The following ARL15 variants were observed in gnomAD, a reference collection of about 807,000 sequenced individuals.
The protein encoded by ARL15 is ADP-ribosylation factor-like protein 15.
ARL15 carries 19 observed loss-of-function variants against 25.2 expected under a neutral mutation model. The observed-to-expected ratio is 0.75, with a 90% CI of 0.53 to 1.10. The LOEUF (loss-of-function observed/expected upper bound fraction) is 1.10. Among genes scored for constraint, ARL15 ranks in the 50% least tolerant of loss-of-function variants. The pLI is 0.00. For missense variants in ARL15, 220 were observed against 246.0 expected, an observed-to-expected ratio of 0.89 and a Z score of 0.71; for synonymous variants, 94 against 86.8, an observed-to-expected ratio of 1.08 and a Z score of -0.46.
chr5:54,061,583 A>G (rs1158664350), intron 4 of ARL15, among the ~76,000 whole-genome samples: 3 of 152,194 alleles, frequency 2.0e-5, no homozygotes, highest in African/African-American at 7.2e-5. Context: ...CCTGGGCAAC[A>G]AGAGCGAAAC....
At chr5:54,273,965 C>T (rs1426971705) in intron 1 of ARL15, among the ~76,000 whole-genome samples, 1 of 152,094 alleles carries the variant, frequency 6.6e-6, no homozygotes, top group Non-Finnish European at 1.5e-5. Context: ...ATGAAAGGCT[C>T]TAGAGTTCAA....
intron 4 of ARL15, among the ~76,000 whole-genome samples, chr5:53,918,382 G>A (rs115628310): frequency 6.6e-6 from 1 of 151,796 alleles, no homozygotes; most frequent in African/African-American, 2.4e-5. Context: ...GAGATGGGGG[G>A]GGATCTCACT....
chr5:54,046,143 A>C (rs576752246), intron 4 of ARL15, among the ~76,000 whole-genome samples: 3 of 152,330 alleles, frequency 2.0e-5, no homozygotes, highest in Non-Finnish European at 4.4e-5. Context: ...AAAAGAAATA[A>C]AAGTATTCAT....
intron 4 of ARL15, among the ~76,000 whole-genome samples, chr5:53,923,991 G>GA (rs1349755356): frequency 6.6e-6 from 1 of 152,204 alleles, no homozygotes; most frequent in African/African-American, 2.4e-5. Context: ...ACCGCTGAAG[G>GA]AAAATTTTCA....
At chr5:54,194,249 G>A (rs1755490776) in intron 1 of ARL15, among the ~76,000 whole-genome samples, 1 of 151,906 alleles carries the variant, frequency 6.6e-6, no homozygotes, top group South Asian at 2.1e-4. Context: ...TATTATCAGA[G>A]GCATGGACCC....
rs1462938304 is a variant in ARL15 at position 53,886,338 on chromosome 5, CAG to C, written c.*221_*222del. 8 of 481,548 alleles carry C rather than the reference CAG, an allele frequency of 1.7e-5. No individual in the cohort carries two copies. The highest frequency in any genetic ancestry group is 2.9e-5 in the Non-Finnish European group (8 of 275,472). The allele number at this position is 481,548 out of a possible 1,614,324, so 29.8% of individuals were successfully genotyped here. A position where few individuals can be genotyped will look rare whatever the true frequency, so the allele number is the denominator to read the frequency against. ...TGCGGGGAAGATAATTAGTGGTAAA[CAG>C]AGAATAAATTCTCTCTCAGTAGTGT... On this transcript the variant is annotated 3_prime_UTR_variant, in exon 5 of 5. Coordinates refer to ENST00000504924, the MANE Select transcript of ARL15 (RefSeq NM_019087.3).
At chr5:54,084,484 G>GA (rs1235956881) in intron 4 of ARL15, among the ~76,000 whole-genome samples, 1 of 151,570 alleles carries the variant, frequency 6.6e-6, no homozygotes, top group Non-Finnish European at 1.5e-5. Context: ...ATTTTTAAGG[G>GA]AAAAAGCACA....
At chr5:54,233,539 C>A (rs1756725782) in intron 1 of ARL15, among the ~76,000 whole-genome samples, 1 of 152,138 alleles carries the variant, frequency 6.6e-6, no homozygotes. Flanking sequence ...ACTAGATGAA[C>A]CAATATTTTC....
At chr5:53,948,973 G>A (rs1746851043) in intron 4 of ARL15, among the ~76,000 whole-genome samples, 1 of 152,176 alleles carries the variant, frequency 6.6e-6, no homozygotes, top group African/African-American at 2.4e-5. Context: ...TCTGAAGAGA[G>A]CTGGCACTTT....
intron 4 of ARL15, among the ~76,000 whole-genome samples, chr5:53,998,506 T>C (rs574715635): frequency 6.6e-6 from 1 of 152,112 alleles, no homozygotes; most frequent in Non-Finnish European, 1.5e-5. Flanking sequence ...GTTCAGCACT[T>C]GGGTTATATA....
At chr5:54,263,490 G>A (rs936019944) in intron 1 of ARL15, among the ~76,000 whole-genome samples, 3 of 152,106 alleles carry the variant, frequency 2.0e-5, no homozygotes, top group Non-Finnish European at 4.4e-5. Context: ...TAATCACAGA[G>A]TGTAAAATAA....
At chr5:54,265,772 ATACT>A (rs758419292) in intron 1 of ARL15, among the ~76,000 whole-genome samples, 18 of 152,350 alleles carry the variant, frequency 1.2e-4, no homozygotes, top group Admixed American at 4.6e-4. Context: ...TTAGACAGAC[ATACT>A]TAAAGAAAGC....
intron 4 of ARL15, among the ~76,000 whole-genome samples, chr5:53,900,867 C>T (rs529314859): frequency 1.1e-4 from 17 of 152,254 alleles, no homozygotes; most frequent in African/African-American, 3.1e-4. Context: ...AATCGTGTTG[C>T]AAACAGAAAA....
chr5:54,228,588 T>C (rs191054683), intron 1 of ARL15, among the ~76,000 whole-genome samples: 3 of 152,178 alleles, frequency 2.0e-5, no homozygotes, highest in Admixed American at 6.5e-5. Context: ...TTGGAGTTTT[T>C]ATGAGGTTTT....
chr5:53,931,564 G>A (rs1249606025), intron 4 of ARL15, among the ~76,000 whole-genome samples: 1 of 152,156 alleles, frequency 6.6e-6, no homozygotes, highest in East Asian at 1.9e-4. Context: ...TCCTCCTAAA[G>A]GAAGCCACAG....
chr5:54,157,889 T>C (rs1754289791), intron 2 of ARL15, among the ~76,000 whole-genome samples: 1 of 152,162 alleles, frequency 6.6e-6, no homozygotes, highest in Non-Finnish European at 1.5e-5. Flanking sequence ...AAAGACAAAG[T>C]CTAGATAGAC....
At chr5:54,080,963 G>A (rs775301036) in intron 4 of ARL15, among the ~76,000 whole-genome samples, 1 of 152,138 alleles carries the variant, frequency 6.6e-6, no homozygotes, top group Admixed American at 6.5e-5. Flanking sequence ...GTGTCTTCAC[G>A]TAGGGAAAAA....
At chr5:54,088,010 G>A (rs971200987) in intron 4 of ARL15, among the ~76,000 whole-genome samples, 1 of 152,154 alleles carries the variant, frequency 6.6e-6, no homozygotes, top group Non-Finnish European at 1.5e-5. Flanking sequence ...CCAGGGTACT[G>A]TATTTTGGAT....
chr5:53,893,267 C>T (rs1279332363), intron 4 of ARL15, among the ~76,000 whole-genome samples: 1 of 152,076 alleles, frequency 6.6e-6, no homozygotes, highest in East Asian at 1.9e-4. Context: ...ATTTACACCA[C>T]AGAAACCTGC....
Sources: allele counts gnomAD v4.1 joint callset (sites outside exome capture counted in the v4.1 genomes callset), GRCh38; gene constraint gnomAD v4.1.1; transcripts MANE v1.5; gene names NCBI Gene and HGNC (gene_info 2026-07-23, HGNC 2026-07-21).